Variants in SGSM1 observed in about 807,000 individuals in gnomAD.
The protein encoded by SGSM1 is RUN and TBC1 domain containing 2.
SGSM1 carries 73 observed loss-of-function variants against 133.8 expected under a neutral mutation model. The ratio of observed to expected loss-of-function variants is 0.55; its 90% CI spans 0.45 to 0.66. The LOEUF is 0.66. Among genes scored for constraint, SGSM1 ranks in the 30% least tolerant of loss-of-function variants. SGSM1 has a pLI of 0.00. For missense variants in SGSM1, 1,213 were observed against 1,448.1 expected (o/e 0.84, Z 2.64); for synonymous variants, 563 against 573.0 (o/e 0.98, Z 0.25).
At chr22:24,824,948 G>T (rs1928716266) in intron 2 of SGSM1, among the ~76,000 whole-genome samples, 1 of 152,220 alleles carries the variant, frequency 6.6e-6, no homozygotes, top group Non-Finnish European at 1.5e-5. Context: ...GCTCCTCGGT[G>T]CCTGTCTCGC....
chr22:24,926,914 C>G lies in SGSM1; in HGVS notation c.*2640C>G, dbSNP rs1290772437. ...AATGCTTGCTTCTGAGGACTGTGTC[C>G]TCCCACTCACACCCCAGTGACCCTA... On this transcript the variant is annotated 3_prime_UTR_variant, in exon 25 of 25. Coordinates refer to ENST00000400358, the MANE Select transcript of SGSM1 (RefSeq NM_001098497.3). The G allele has an allele frequency of 6.6e-6, 1 of 151,230 alleles. No homozygotes were observed. Among genetic ancestry groups the G allele is most frequent in the East Asian group, 1.9e-4 (1 of 5,162 alleles). 9.4% of individuals were successfully genotyped at this position (151,230 alleles called of 1,614,324 possible).
At chr22:24,888,604 C>G (rs536175587) in intron 16 of SGSM1, among the ~76,000 whole-genome samples, 1 of 152,066 alleles carries the variant, frequency 6.6e-6, no homozygotes, top group Non-Finnish European at 1.5e-5. Flanking sequence ...CCCATCTCTA[C>G]TAAAAATACA....
intron 15 of SGSM1, among the ~76,000 whole-genome samples, chr22:24,886,236 A>G (rs1932591062): frequency 6.6e-6 from 1 of 151,888 alleles, no homozygotes. Flanking sequence ...CCCCGTCTCT[A>G]CTAAAAATAC....
chr22:24,815,290 C>A (rs1005378162), intron 2 of SGSM1, among the ~76,000 whole-genome samples: 1 of 152,156 alleles, frequency 6.6e-6, no homozygotes, highest in Non-Finnish European at 1.5e-5. Flanking sequence ...GCTGGCCACA[C>A]AGAAGGCCAA....
Position 24,912,667 on chromosome 22 carries a change from C to G in SGSM1, c.2843C>G (p.Thr948Arg). 6.2e-7 allele frequency: 1 copy of G among 1,613,336 alleles called. No individual in the cohort carries two copies. Among genetic ancestry groups the G allele is most frequent in the Non-Finnish European group, 8.5e-7 (1 of 1,179,636 alleles). The change falls in exon 22 of 25, where the codon ACG (threonine) becomes AGG (arginine). Residue 948 changes from threonine (T) to arginine (R), a missense_variant. By Grantham distance (71) the Thr-to-Arg change is moderately conservative. Coordinates refer to ENST00000400358, the MANE Select transcript of SGSM1 (RefSeq NM_001098497.3). ...GAGGCCCTTGCCTTCAGCTGCTTCA[C>G]GGAGCTCATGAAGAGGATGAACCAG... ...DDEALAFSCF[T>R]ELMKRMNQNF...
chr22:24,882,882 C>T (rs1325918444), intron 14 of SGSM1, among the ~76,000 whole-genome samples: 1 of 151,196 alleles, frequency 6.6e-6, no homozygotes, highest in Admixed American at 6.6e-5. Flanking sequence ...ATTTGTATAC[C>T]ACGGTTTCTT....
intron 17 of SGSM1, among the ~76,000 whole-genome samples, chr22:24,894,977 G>C (rs1035406561): frequency 4.6e-5 from 7 of 152,214 alleles, no homozygotes; most frequent in African/African-American, 1.7e-4. Flanking sequence ...AAGGTGGGGT[G>C]CTCTAGTTGC....
chr22:24,834,715 T>C (rs1468398737), intron 2 of SGSM1, among the ~76,000 whole-genome samples: 3 of 151,944 alleles, frequency 2.0e-5, no homozygotes, highest in Non-Finnish European at 4.4e-5. Context: ...ATCTTCTCCC[T>C]GATCTTCACA....
chr22:24,869,584 CA>C, intron 12 of SGSM1, among the ~76,000 whole-genome samples: 1 of 152,300 alleles, frequency 6.6e-6, no homozygotes, highest in African/African-American at 2.4e-5. Flanking sequence ...ACAGAACACT[CA>C]AATGTTGCTG....
chr22:24,856,252 G>C (rs1004644727), intron 8 of SGSM1, among the ~76,000 whole-genome samples: 1 of 152,204 alleles, frequency 6.6e-6, no homozygotes, highest in African/African-American at 2.4e-5. Context: ...CTATGTGTCA[G>C]GCACTGTGCA....
intron 23 of SGSM1, 128 bp from the exon 24 acceptor site, chr22:24,919,698 T>A (rs1189757202): frequency 1.0e-6 from 1 of 956,318 alleles, no homozygotes; most frequent in Non-Finnish European, 1.6e-6. Flanking sequence ...TTCTATCCAC[T>A]GCACCAGGGC....
Position 24,847,794 on chromosome 22 carries a change from C to T in SGSM1, c.300C>T (p.Ser100=), listed in dbSNP as rs1186335594. The change falls in exon 4 of 25, where the codon AGC becomes AGT. Residue 100 remains serine, a splice_region_variant and synonymous_variant. Coordinates refer to ENST00000400358, the MANE Select transcript of SGSM1 (RefSeq NM_001098497.3). ...KVQDLEQLIE[S]ARNQIQGLQE... ...AAGACCTGGAGCAGCTGATCGAGAG[C>T]GCGTGAGTGCAAAGCATGGGGCACA... 3.7e-6 allele frequency: 6 copies of T among 1,613,414 alleles called. No individual in the cohort carries two copies. Among genetic ancestry groups the T allele is most frequent in the South Asian group, 2.2e-5 (2 of 90,970 alleles).
At chr22:24,868,893 C>A in intron 12 of SGSM1, 38 bp downstream of exon 12, 2 of 1,599,940 alleles carry the variant, frequency 1.3e-6, no homozygotes, top group South Asian at 1.1e-5. Flanking sequence ...GAGTCACCTG[C>A]TAACTGATCC....
rs868173223 is a variant in SGSM1 at position 24,886,661 on chromosome 22, G to T, written c.1703G>T (p.Arg568Leu). The T allele has an allele frequency of 4.5e-6, 7 of 1,564,136 alleles. No homozygotes were observed. Among genetic ancestry groups the T allele is most frequent in the Non-Finnish European group, 5.2e-6 (6 of 1,154,584 alleles). The change falls in exon 16 of 25, where the codon CGC (arginine) becomes CTC (leucine). Residue 568 changes from arginine to leucine, a missense_variant. Coordinates refer to ENST00000400358, the MANE Select transcript of SGSM1 (RefSeq NM_001098497.3). ...TACGGGGGCATCCAGCCTGAGATCC[G>T]CAAGGCCGTGTGGCCCTTCCTCCTG... ...IYYGGIQPEI[R>L]KAVWPFLLGH...
chr22:24,882,774 GCCTCGCGTTTTTTTGCTTAACATAACCT>G (rs1376381887), intron 14 of SGSM1, among the ~76,000 whole-genome samples: 7 of 151,214 alleles, frequency 4.6e-5, no homozygotes, highest in African/African-American at 1.5e-4. Flanking sequence ...GTCTTTCTGT[GCCTCGCGTTTTTTTGCTTAACATAACCT>G]CCAGCTCCAT....
Position 24,897,973 on chromosome 22 carries a change from T to C in SGSM1, c.2024T>C (p.Val675Ala). Residue 675 changes from valine (V) to alanine (A), a missense_variant and splice_region_variant, in exon 19 of 25, where the codon GTG becomes GCG. Val to Ala is a moderately conservative substitution (Grantham distance 64, BLOSUM62 0). Coordinates refer to ENST00000400358, the MANE Select transcript of SGSM1 (RefSeq NM_001098497.3). ...TGTTTTTGTGCACCTTGTCCTCAGG[T>C]GTTTGAGTCTGTGGATGAGGTGGAG... is the stretch of plus-strand genomic sequence containing the variant. ...LHSDSSSSTQ[V>A]FESVDEVEQV... is the part of the protein sequence containing the mutation. 1 of 1,589,296 alleles carries C rather than the reference T, an allele frequency of 6.3e-7. No individual in the cohort carries two copies.
intron 4 of SGSM1, among the ~76,000 whole-genome samples, chr22:24,848,660 G>C (rs1422650494): frequency 1.3e-5 from 2 of 152,254 alleles, no homozygotes; most frequent in African/African-American, 4.8e-5. Context: ...TTCGGTGCTG[G>C]TGGCTTCCCA....
At chr22:24,870,856 C>T (rs1931732623) in intron 12 of SGSM1, among the ~76,000 whole-genome samples, 3 of 152,202 alleles carry the variant, frequency 2.0e-5, no homozygotes, top group African/African-American at 4.8e-5. Flanking sequence ...CCCAGAGCTT[C>T]CATGGGAGAT....
chr22:24,860,463 C>T (rs1931058038), intron 9 of SGSM1, among the ~76,000 whole-genome samples: 1 of 152,064 alleles, frequency 6.6e-6, no homozygotes, highest in South Asian at 2.1e-4. Context: ...TTTCCTGCTC[C>T]AAGTCCACAT....
Sources: allele counts gnomAD v4.1 joint callset (sites outside exome capture counted in the v4.1 genomes callset), GRCh38; gene constraint gnomAD v4.1.1; transcripts MANE v1.5; gene names NCBI Gene and HGNC (gene_info 2026-07-23, HGNC 2026-07-21).